The following ITSN2 variants were observed in gnomAD, a reference collection of about 807,000 sequenced individuals.
The protein encoded by ITSN2 is intersectin-2.
ITSN2 carries 156 observed loss-of-function variants against 243.7 expected under a neutral mutation model. That is an observed-to-expected ratio of 0.64 (90% CI 0.56 to 0.73). The LOEUF (loss-of-function observed/expected upper bound fraction) is 0.73, where lower values mean the gene tolerates loss of function less well. Among genes scored for constraint, ITSN2 ranks in the 30% least tolerant of loss-of-function variants. The pLI, the probability that ITSN2 is intolerant of heterozygous loss-of-function variation, is 0.00. For missense variants in ITSN2, 1,801 were observed against 1,996.1 expected (o/e 0.90, Z 1.86); for synonymous variants, 703 against 699.9 (o/e 1.00, Z -0.07).
chr2:24,315,877 AC>A (rs1683855140), intron 2 of ITSN2, among the ~76,000 whole-genome samples: 2 of 151,826 alleles, frequency 1.3e-5, no homozygotes, highest in African/African-American at 4.8e-5. Flanking sequence ...AGTCAATTAA[AC>A]CCTTTTTTTC....
intron 2 of ITSN2, among the ~76,000 whole-genome samples, chr2:24,316,329 G>A (rs1445949463): frequency 6.6e-6 from 1 of 152,162 alleles, no homozygotes; most frequent in Non-Finnish European, 1.5e-5. Flanking sequence ...TCACCAGGCT[G>A]GAGAGCAGCA....
intron 18 of ITSN2, among the ~76,000 whole-genome samples, chr2:24,274,693 T>A (rs768280650): frequency 6.6e-6 from 1 of 152,148 alleles, no homozygotes; most frequent in Non-Finnish European, 1.5e-5. Flanking sequence ...CAGCCAACAA[T>A]AGCCACTCAA....
intron 37 of ITSN2, 150 bp from the exon 38 acceptor site, chr2:24,205,447 C>T (rs1668767683): frequency 1.6e-6 from 1 of 630,374 alleles, no homozygotes; most frequent in Admixed American, 2.6e-5. Flanking sequence ...TGTGCCTTTC[C>T]CCAGGCTGTG....
Position 24,296,289 on chromosome 2 carries a change from T to C in ITSN2, c.1495-485A>G, listed in dbSNP as rs959957849. 2.0e-5 allele frequency among the ~76,000 whole-genome samples: 3 copies of C among 152,282 alleles called. No homozygotes were observed. In the South Asian group the frequency reaches 6.2e-4, roughly 32 times the overall value. On this transcript the variant is annotated intron_variant, in intron 13 of 39. Transcript: ENST00000355123. Reference sequence around the variant, plus strand: ...GTTCTATACTAATATTCTTCTCCTTTTTTCCTCTTCTTCTGTGAAGAAATC... The same window carrying C: ...GTTCTATACTAATATTCTTCTCCTTCTTTCCTCTTCTTCTGTGAAGAAATC...
intron 20 of ITSN2, among the ~76,000 whole-genome samples, chr2:24,264,181 C>T (rs1035457251): frequency 2.0e-5 from 3 of 151,960 alleles, no homozygotes; most frequent in East Asian, 1.9e-4. Context: ...CACCTGAGGT[C>T]GGGAGTTTGA....
At chr2:24,289,931 TG>T (rs1228379970) in intron 15 of ITSN2, among the ~76,000 whole-genome samples, 1 of 152,198 alleles carries the variant, frequency 6.6e-6, no homozygotes, top group Non-Finnish European at 1.5e-5. Flanking sequence ...TTACCCCCAT[TG>T]ATTATGATAG....
rs1669117154 is a variant in ITSN2, at chr2:24,208,276, T to C, written c.4639A>G (p.Ile1547Val). The part of the protein sequence containing the change: ...QKIKAASEQY[I>V]DTEKKKREKA... Reference sequence around the variant, plus strand: ...TCACGCTTCTTCTTCTCGGTGTCGATGTACTGCTCAGACGCCGCCTTGATC... The same window carrying C: ...TCACGCTTCTTCTTCTCGGTGTCGACGTACTGCTCAGACGCCGCCTTGATC... Residue 1547 changes from isoleucine to valine, a missense_variant, in exon 37 of 40, where the codon ATC becomes GTC. Coordinates refer to ENST00000355123, the MANE Select transcript of ITSN2 (RefSeq NM_006277.3). The C allele has an allele frequency of 6.2e-7, 1 of 1,611,352 alleles. No individual in the cohort carries two copies. Among genetic ancestry groups the C allele is most frequent in the Non-Finnish European group, 8.5e-7 (1 of 1,179,492 alleles).
chr2:24,291,220 C>T (rs1048242376), intron 15 of ITSN2, among the ~76,000 whole-genome samples: 2 of 152,136 alleles, frequency 1.3e-5, no homozygotes, highest in African/African-American at 4.8e-5. Flanking sequence ...ACCTCTGCCT[C>T]CCACGTTCAA....
At chr2:24,334,884 A>G (rs13000226) in intron 1 of ITSN2, 5 of 478,928 alleles carry the variant, frequency 1.0e-5, no homozygotes, top group Non-Finnish European at 1.9e-5. Context: ...TAACAAGGTG[A>G]AACCCCGTCT....
intron 13 of ITSN2, among the ~76,000 whole-genome samples, chr2:24,296,509 A>G (rs1353351946): frequency 6.6e-6 from 1 of 152,176 alleles, no homozygotes; most frequent in Non-Finnish European, 1.5e-5. Flanking sequence ...ACCCTAATCC[A>G]ATCTAACTGG....
At chr2:24,307,968 T>G (rs1682770432) in intron 8 of ITSN2, among the ~76,000 whole-genome samples, 2 of 152,230 alleles carry the variant, frequency 1.3e-5, no homozygotes, top group South Asian at 4.1e-4. Flanking sequence ...AAAGCTCTAT[T>G]ATTTTTAAAC....
intron 34 of ITSN2, 26 bp downstream of exon 34, chr2:24,210,754 G>A (rs758289156): frequency 2.0e-5 from 32 of 1,603,274 alleles, no homozygotes; most frequent in South Asian, 3.3e-5. Context: ...CCCTGGAGGC[G>A]CACGGCTTAA....
At chr2:24,288,881 T>C (rs1028477035) in intron 15 of ITSN2, among the ~76,000 whole-genome samples, 2 of 152,140 alleles carry the variant, frequency 1.3e-5, no homozygotes, top group Admixed American at 1.3e-4. Context: ...TATGGATAAA[T>C]ATATACACTC....
At chr2:24,217,179 G>A (rs1670045115) in intron 31 of ITSN2, among the ~76,000 whole-genome samples, 1 of 152,032 alleles carries the variant, frequency 6.6e-6, no homozygotes, top group Non-Finnish European at 1.5e-5. Context: ...AACCCAGGAG[G>A]CGGAGGTTGC....
Position 24,211,031 on chromosome 2 carries a change from C to A in ITSN2, c.4090-84G>T. 1 of 1,338,114 alleles carries A rather than the reference C, an allele frequency of 7.5e-7. No individual in the cohort carries two copies. 82.9% of individuals were successfully genotyped at this position (1,338,114 alleles called of 1,614,324 possible). ...ACCTTCGCAGGACCGCTCCTCCAAC[C>A]CCATGTTATGGACTGCTTCCATGCC... On this transcript the variant is annotated intron_variant, in intron 33 of 39. Transcript: ENST00000355123. The surrounding 1 kb of genome is among the most constrained non-coding windows in gnomAD (Gnocchi z 4.1).
intron 1 of ITSN2, among the ~76,000 whole-genome samples, chr2:24,329,817 G>A (rs1308915253): frequency 4.6e-5 from 7 of 152,150 alleles, no homozygotes; most frequent in South Asian, 2.1e-4. Context: ...CGTGGTCAAC[G>A]TTTCTCACCA....
chr2:24,354,981 C>A (rs891735341), intron 1 of ITSN2, among the ~76,000 whole-genome samples: 10 of 152,200 alleles, frequency 6.6e-5, no homozygotes, highest in African/African-American at 2.4e-4. Flanking sequence ...ATACATTCTG[C>A]AAATGAAATA....
chr2:24,297,350 G>A (rs182396698), intron 13 of ITSN2, among the ~76,000 whole-genome samples: 2 of 152,158 alleles, frequency 1.3e-5, no homozygotes, highest in African/African-American at 4.8e-5. Flanking sequence ...GGTTGTGGCA[G>A]AATAGTGCCA....
chr2:24,325,689 A>G (rs1685089278), intron 2 of ITSN2, among the ~76,000 whole-genome samples: 1 of 152,240 alleles, frequency 6.6e-6, no homozygotes, highest in African/African-American at 2.4e-5. Flanking sequence ...ATATGTAATA[A>G]TCGTGTTAGA....
Sources: gnomAD v4.1 joint callset for allele counts (sites outside exome capture counted in the v4.1 genomes callset) on GRCh38, gnomAD v4.1.1 for gene constraint, Gnocchi (gnomAD v3.1) non-coding constraint, MANE v1.5 for transcripts, NCBI Gene and HGNC (gene_info 2026-07-23, HGNC 2026-07-21) for gene names.